Variants in SLC9D1 observed in about 807,000 individuals in gnomAD.
SLC9D1 encodes solute carrier family 9 member D1.
At chr13:113,547,035 T>C in the SLC9D1 span, 2 of 465,684 alleles carry the variant, frequency 4.3e-6, no homozygotes, top group Non-Finnish European at 7.8e-6. Flanking sequence ...TGTTTTGCTG[T>C]GTCCTCTGCA....
chr13:113,544,124 G>A, the SLC9D1 span, among the ~76,000 whole-genome samples: 3 of 152,232 alleles, frequency 2.0e-5, no homozygotes, highest in Non-Finnish European at 4.4e-5. Context: ...TGTCCGGGCT[G>A]CCTGCCCGGT....
At chr13:113,511,421 A>G in the SLC9D1 span, among the ~76,000 whole-genome samples, 1 of 152,146 alleles carries the variant, frequency 6.6e-6, no homozygotes, top group African/African-American at 2.4e-5. Flanking sequence ...GCCGCCAAGC[A>G]GGGTGCTGGA....
chr13:113,536,115 C>T, the SLC9D1 span, among the ~76,000 whole-genome samples: 2 of 152,210 alleles, frequency 1.3e-5, no homozygotes. Flanking sequence ...CGGTGGCTCA[C>T]GCCTGTAATC....
At chr13:113,495,854 T>A in the SLC9D1 span, 1 of 1,614,044 alleles carries the variant, frequency 6.2e-7, no homozygotes, top group East Asian at 2.2e-5. Context: ...AGAAACTGTT[T>A]CAGGTGCACA....
the SLC9D1 span, among the ~76,000 whole-genome samples, chr13:113,494,838 G>A: frequency 8.5e-5 from 13 of 152,052 alleles, no homozygotes; most frequent in African/African-American, 3.1e-4. Flanking sequence ...TGACCTGTGA[G>A]GGGAAGTTGA....
the SLC9D1 span, among the ~76,000 whole-genome samples, chr13:113,509,336 TCC>T: frequency 3.8e-5 from 3 of 78,228 alleles, no homozygotes; most frequent in Admixed American, 1.4e-4. Flanking sequence ...GGTGGGTGGG[TCC>T]CCCCTGGAGC....
chr13:113,491,832 G>T, the SLC9D1 span, among the ~76,000 whole-genome samples: 2 of 152,226 alleles, frequency 1.3e-5, no homozygotes, highest in African/African-American at 4.8e-5. Context: ...ACGCCTGCGC[G>T]GGGGAAGCAA....
At chr13:113,496,169 T>G in the SLC9D1 span, 2 of 629,604 alleles carry the variant, frequency 3.2e-6, no homozygotes, top group Non-Finnish European at 5.5e-6. Flanking sequence ...TGAATGCTGC[T>G]GATGTCGCTC....
At chr13:113,496,135 G>T in the SLC9D1 span, 3 of 794,460 alleles carry the variant, frequency 3.8e-6, no homozygotes, top group Non-Finnish European at 5.9e-6. Flanking sequence ...CACGGAGCTG[G>T]GGAGCAGACA....
chr13:113,511,918 A>G, the SLC9D1 span: 1 of 152,274 alleles, frequency 6.6e-6, no homozygotes, highest in African/African-American at 2.4e-5. Context: ...GGAGGTGTGC[A>G]GTATATATAC....
chr13:113,548,085 T>G, the SLC9D1 span, among the ~76,000 whole-genome samples: 6 of 152,208 alleles, frequency 3.9e-5, no homozygotes, highest in Admixed American at 3.9e-4. Context: ...ACCGAAAGGC[T>G]TAATTTTGCC....
At chr13:113,502,954 G>T in the SLC9D1 span, among the ~76,000 whole-genome samples, 1 of 152,326 alleles carries the variant, frequency 6.6e-6, no homozygotes, top group Non-Finnish European at 1.5e-5. Flanking sequence ...CAGAGGAGCC[G>T]CAAGCCCACG....
chr13:113,491,732 CAG>C, the SLC9D1 span, among the ~76,000 whole-genome samples: 2 of 152,196 alleles, frequency 1.3e-5, no homozygotes, highest in Non-Finnish European at 2.9e-5. Context: ...TCGGGGCCTC[CAG>C]GGCCGGCCGC....
At chr13:113,506,415 C>CCA in the SLC9D1 span, among the ~76,000 whole-genome samples, 1 of 91,154 alleles carries the variant, frequency 1.1e-5, no homozygotes, top group Non-Finnish European at 2.0e-5. Context: ...GAGTGGGCCG[C>CCA]GTGGCTGCCT....
At chr13:113,508,582 C>A in the SLC9D1 span, among the ~76,000 whole-genome samples, 4 of 152,156 alleles carry the variant, frequency 2.6e-5, no homozygotes, top group African/African-American at 9.7e-5. Context: ...GGGGGCCGAG[C>A]AGAGTAGAGA....
At chr13:113,539,479 C>T in the SLC9D1 span, 2 of 1,613,246 alleles carry the variant, frequency 1.2e-6, no homozygotes, top group Non-Finnish European at 1.7e-6. The surrounding 1 kb of genome is among the most constrained non-coding windows in gnomAD (Gnocchi z 4.8). Flanking sequence ...TCCGCGACTT[C>T]CTGGCCATCG....
chr13:113,495,691 G>A, the SLC9D1 span: 77 of 1,612,382 alleles, frequency 4.8e-5, no homozygotes, highest in Admixed American at 8.3e-5. Flanking sequence ...AAACTGCACC[G>A]CGGGCGAGGG....
At chr13:113,545,380 CAT>C in the SLC9D1 span, among the ~76,000 whole-genome samples, 13 of 152,340 alleles carry the variant, frequency 8.5e-5, no homozygotes, top group East Asian at 2.3e-3. Flanking sequence ...CCAGAGCCCA[CAT>C]AGTTTCTCAG....
At chr13:113,532,249 C>T in the SLC9D1 span, among the ~76,000 whole-genome samples, 1 of 152,170 alleles carries the variant, frequency 6.6e-6, no homozygotes, top group East Asian at 1.9e-4. Flanking sequence ...CAGCAGGGAA[C>T]CGCCCTGCGA....
Sources: allele counts gnomAD v4.1 joint callset (sites outside exome capture counted in the v4.1 genomes callset), GRCh38; gene constraint gnomAD v4.1.1; non-coding constraint Gnocchi (gnomAD v3.1); transcripts MANE v1.5; gene names NCBI Gene and HGNC (gene_info 2026-07-23, HGNC 2026-07-21).